The following SPG7 variants were observed in gnomAD, a reference collection of about 807,000 sequenced individuals.
The protein encoded by SPG7 is mitochondrial inner membrane m-AAA protease component paraplegin.
In SPG7, 103 loss-of-function variants were observed where a neutral mutation model predicts 81.9. The observed-to-expected ratio is 1.26, with a 90% CI of 1.07 to 1.48. SPG7 has a LOEUF of 1.48. Ranked by LOEUF, SPG7 falls within the 40% of genes most tolerant of loss-of-function variation. The pLI, the probability that SPG7 is intolerant of heterozygous loss-of-function variation, is 0.00. For missense variants in SPG7, 1,241 were observed against 1,087.3 expected (o/e 1.14, Z -1.99); for synonymous variants, 534 against 444.2 (o/e 1.20, Z -2.54).
intron 10 of SPG7, 179 bp downstream of exon 10, chr16:89,544,951 G>A (rs968742978): frequency 2.2e-5 from 16 of 719,616 alleles, no homozygotes; most frequent in South Asian, 4.8e-5. Context: ...CCTGCCCACC[G>A]GCTGCACTCA....
intron 13 of SPG7, chr16:89,552,096 T>C (rs575806026): frequency 6.6e-6 from 1 of 152,332 alleles, no homozygotes; most frequent in East Asian, 1.9e-4. Context: ...TCTCTCTCTG[T>C]TGCCCAGACC....
At chr16:89,545,836 TTC>T (rs1205876129) in intron 10 of SPG7, 3 of 412,826 alleles carry the variant, frequency 7.3e-6, no homozygotes, top group African/African-American at 2.1e-5. Context: ...CTATAATTTT[TTC>T]TTTTTTCTTT....
At chr16:89,541,870 C>T (rs1317185657) in intron 9 of SPG7, 1 of 152,202 alleles carries the variant, frequency 6.6e-6, no homozygotes, top group Non-Finnish European at 1.5e-5. Context: ...TATCCTGAAA[C>T]CACATGTCCC....
chr16:89,530,946 G>T, intron 7 of SPG7, 138 bp downstream of exon 7: 1 of 1,164,282 alleles, frequency 8.6e-7, no homozygotes, highest in African/African-American at 1.5e-5. Context: ...GTCCCATGGG[G>T]ACACCAAGCA....
intron 12 of SPG7, chr16:89,549,233 A>C (rs2058604613): frequency 2.2e-6 from 1 of 456,872 alleles, no homozygotes; most frequent in Admixed American, 2.3e-5. Context: ...GAAAGAAAAT[A>C]CATGACGTAC....
chr16:89,526,193 C>T (rs1703416132), intron 4 of SPG7, 136 bp from the exon 5 acceptor site: 1 of 1,010,610 alleles, frequency 9.9e-7, no homozygotes, highest in African/African-American at 1.6e-5. Context: ...GGAATCACCT[C>T]TAGTTTCTGA....
At chr16:89,556,303 A>C in intron 16 of SPG7, 1 of 387,838 alleles carries the variant, frequency 2.6e-6, no homozygotes, top group East Asian at 3.7e-5. Context: ...GGAGCAGGTA[A>C]TTAACAACAA....
intron 11 of SPG7, 113 bp downstream of exon 11, chr16:89,546,873 G>A (rs2058571261): frequency 1.3e-6 from 1 of 759,348 alleles, no homozygotes; most frequent in South Asian, 1.4e-5. Flanking sequence ...CCTTCTCTGG[G>A]GGCCTCTGCT....
chr16:89,539,047 T>G lies in SPG7; in HGVS notation c.1325-5601T>G, dbSNP rs1034742457. 4 of 152,234 alleles carry G rather than the reference T, an allele frequency of 2.6e-5. No homozygotes were observed. In the East Asian group the frequency reaches 5.8e-4, roughly 22 times the overall value. 9.4% of individuals were successfully genotyped at this position (152,234 alleles called of 1,614,324 possible). ...GCAGATCTCGAGGCCCAAGGGGCCA[T>G]TTTCCCAGTGGGTGTCTTGACTGAG... On this transcript the variant is annotated intron_variant, in intron 9 of 16. Transcript: ENST00000645818.
At chr16:89,531,471 T>G in intron 7 of SPG7, 1 of 224,146 alleles carries the variant, frequency 4.5e-6, no homozygotes, top group Non-Finnish European at 9.1e-6. Context: ...CCTCCCCAGT[T>G]CAAGTGATTC....
rs147497799 is a variant in SPG7 at position 89,543,190 on chromosome 16, G to A, written c.1325-1458G>A. The stretch of plus-strand genomic sequence containing the variant: ...TCTCCATCTGCTGACCTTGTGATCC[G>A]CCCTCCTCGGCCTCCCAAAGTGCTG... On this transcript the variant is annotated intron_variant, in intron 9 of 16. Transcript: ENST00000645818. 984 of 150,890 alleles carry A rather than the reference G, an allele frequency of 6.5e-3. 10 individuals carry two copies. The highest frequency in any genetic ancestry group is 0.015 in the African/African-American group (608 of 40,746). 9.3% of individuals were successfully genotyped at this position (150,890 alleles called of 1,614,324 possible). A position where few individuals can be genotyped will look rare whatever the true frequency, so the allele number is the denominator to read the frequency against.
intron 3 of SPG7, chr16:89,523,570 C>A (rs948004731): frequency 5.2e-6 from 2 of 382,620 alleles, no homozygotes; most frequent in African/African-American, 2.1e-5. Flanking sequence ...TGTGACGGCT[C>A]GGACGGCCTG....
At position 89,532,649 on chromosome 16, in the gene SPG7, G is replaced by A. The variant is rs1203644518; in HGVS notation, c.1324+13G>A. The A allele has an allele frequency of 6.2e-7, 1 of 1,612,930 alleles. No homozygotes were observed. Among genetic ancestry groups the A allele is most frequent in the African/African-American group, 1.3e-5 (1 of 75,004 alleles). The stretch of plus-strand genomic sequence containing the variant: ...GTAGAAATGGATGGTCAGTGCTCGT[G>A]CGCCCCGCACCCCCATTGCACCATC... On this transcript the variant is annotated intron_variant, in intron 9 of 16. Coordinates refer to ENST00000645818, the MANE Select transcript of SPG7 (RefSeq NM_003119.4).
At chr16:89,524,932 A>T (rs1174241888) in intron 4 of SPG7, among the ~76,000 whole-genome samples, 2 of 149,044 alleles carry the variant, frequency 1.3e-5, no homozygotes, top group Non-Finnish European at 3.0e-5. Flanking sequence ...AGGATTCAGA[A>T]TGCTTTTTCC....
intron 3 of SPG7, chr16:89,522,707 G>A (rs1415212768): frequency 6.5e-6 from 1 of 152,870 alleles, no homozygotes; most frequent in Admixed American, 6.5e-5. Context: ...GACCTGCCTA[G>A]GGGGTTTGAG....
At chr16:89,533,616 G>C (rs918146819) in intron 9 of SPG7, 2 of 152,252 alleles carry the variant, frequency 1.3e-5, no homozygotes, top group Non-Finnish European at 2.9e-5. Flanking sequence ...GTGCCCCCTG[G>C]AGAGGGTGTG....
chr16:89,550,602 T>C lies in SPG7; in HGVS notation c.1772T>C (p.Val591Ala). The C allele has an allele frequency of 6.2e-7, 1 of 1,612,022 alleles. No individual in the cohort carries two copies. The highest frequency in any genetic ancestry group is 8.5e-7 in the Non-Finnish European group (1 of 1,178,632). The change falls in exon 13 of 17, where the codon GTG becomes GCG. Residue 591 changes from valine (V) to alanine (A), a missense_variant. Physicochemically the swap from Val to Ala is moderately conservative, Grantham distance 64. Transcript: ENST00000645818. ...VGWMLEHTEA[V>A]MKVSITPRTN... ...TGGATGCTGGAGCACACGGAGGCCG[T>C]GATGAAGGTGGGTCTTGGCAGGTGC...
At chr16:89,534,781 T>C (rs1470300875) in intron 9 of SPG7, among the ~76,000 whole-genome samples, 1 of 152,260 alleles carries the variant, frequency 6.6e-6, no homozygotes, top group African/African-American at 2.4e-5. Context: ...GTGACATACA[T>C]GGTCTGCAGG....
At position 89,515,860 on chromosome 16, in the gene SPG7, A is replaced by C. The variant is rs958225007; in HGVS notation, c.376+2823A>C. The stretch of plus-strand genomic sequence containing the variant: ...GTAGCTGGGACTACAGGCGTGCGCC[A>C]CCACGCCCAGCTAATTTTTTGTATT... On this transcript the variant is annotated intron_variant, in intron 3 of 16. Coordinates refer to ENST00000645818, the MANE Select transcript of SPG7 (RefSeq NM_003119.4). 9.9e-5 allele frequency among the ~76,000 whole-genome samples: 15 copies of C among 151,918 alleles called. No homozygotes were observed. The South Asian group carries it at 1.2e-3, about 13-fold the overall frequency.
Sources: allele counts gnomAD v4.1 joint callset (sites outside exome capture counted in the v4.1 genomes callset), GRCh38; gene constraint gnomAD v4.1.1; transcripts MANE v1.5; gene names NCBI Gene and HGNC (gene_info 2026-07-23, HGNC 2026-07-21).